Variants in NFIA observed in about 807,000 individuals in gnomAD.
NFIA encodes the protein nuclear factor I A, also known as nuclear factor 1 A-type.
A neutral mutation model predicts 62.8 loss-of-function variants in NFIA; 8 were observed. The ratio of observed to expected loss-of-function variants is 0.13; its 90% confidence interval spans 0.07 to 0.23. The LOEUF is 0.23. Among genes scored for constraint, NFIA ranks in the 10% least tolerant of loss-of-function variants. The pLI, the probability that NFIA is intolerant of heterozygous loss-of-function variation, is 1.00. For synonymous variants in NFIA, 235 were observed against 238.1 expected, an observed-to-expected ratio of 0.99 and a Z score of 0.12; for missense variants, 410 against 642.1, an observed-to-expected ratio of 0.64 and a Z score of 3.91.
intron 2 of NFIA, among the ~76,000 whole-genome samples, chr1:61,096,284 G>A (rs1646410673): frequency 2.6e-5 from 4 of 151,960 alleles, no homozygotes; most frequent in Admixed American, 6.6e-5. Flanking sequence ...CATGATCTCG[G>A]CTCACCGCAA....
intron 2 of NFIA, chr1:61,249,091 A>G (rs1316617683): frequency 1.3e-5 from 2 of 152,248 alleles, no homozygotes; most frequent in Non-Finnish European, 2.9e-5. Flanking sequence ...GAAGGCATCC[A>G]ACTTTTATGA....
intron 2 of NFIA, among the ~76,000 whole-genome samples, chr1:61,148,379 C>T (rs1489920044): frequency 6.6e-6 from 1 of 152,182 alleles, no homozygotes; most frequent in Non-Finnish European, 1.5e-5. Context: ...ACTCTCACAC[C>T]ACCTTCCCTG....
At chr1:61,133,080 A>G (rs1196335306) in intron 2 of NFIA, 1 of 152,172 alleles carries the variant, frequency 6.6e-6, no homozygotes, top group Non-Finnish European at 1.5e-5. Context: ...ACGATCCTGT[A>G]AAAAAGCCCT....
intron 2 of NFIA, among the ~76,000 whole-genome samples, chr1:61,203,395 C>T (rs1021197530): frequency 6.6e-6 from 1 of 152,166 alleles, no homozygotes; most frequent in Admixed American, 6.5e-5. Context: ...CACGGGATGG[C>T]TCACCACCCT....
chr1:61,169,499 A>C (rs1214002114), intron 2 of NFIA, among the ~76,000 whole-genome samples: 10 of 152,116 alleles, frequency 6.6e-5, no homozygotes, highest in Admixed American at 5.9e-4. Flanking sequence ...GGACACCCCC[A>C]ACCAAATGTG....
chr1:61,151,400 A>ATTTTG (rs1648400168), intron 2 of NFIA, among the ~76,000 whole-genome samples: 1 of 147,284 alleles, frequency 6.8e-6, no homozygotes. Context: ...TTTTTTTCTT[A>ATTTTG]ATTTTATCAT....
chr1:61,309,083 C>CT (rs1363532561), intron 3 of NFIA, among the ~76,000 whole-genome samples: 7 of 152,144 alleles, frequency 4.6e-5, no homozygotes, highest in African/African-American at 1.7e-4. Flanking sequence ...TGTGAATACT[C>CT]TATAGAGTTT....
At chr1:61,409,532 G>C (rs745612451) in intron 9 of NFIA, among the ~76,000 whole-genome samples, 1 of 151,994 alleles carries the variant, frequency 6.6e-6, no homozygotes, top group Admixed American at 6.6e-5. Flanking sequence ...TTAAAATATC[G>C]TCTCCCATGC....
intron 2 of NFIA, among the ~76,000 whole-genome samples, chr1:61,219,814 A>G (rs1653904937): frequency 6.6e-6 from 1 of 151,804 alleles, no homozygotes; most frequent in African/African-American, 2.4e-5. Context: ...GCATAGAAAA[A>G]TTAGTGGGGC....
At chr1:61,320,321 G>A (rs1334139210) in intron 3 of NFIA, among the ~76,000 whole-genome samples, 1 of 152,118 alleles carries the variant, frequency 6.6e-6, no homozygotes. Context: ...ATTGTGGCCT[G>A]CCATAGTATC....
chr1:61,150,680 A>G (rs921302779), intron 2 of NFIA, among the ~76,000 whole-genome samples: 1 of 152,204 alleles, frequency 6.6e-6, no homozygotes, highest in African/African-American at 2.4e-5. Context: ...AACAGCAACA[A>G]AATTCCCCCA....
chr1:61,446,147 C>A (rs530366658), intron 10 of NFIA, among the ~76,000 whole-genome samples: 2 of 152,274 alleles, frequency 1.3e-5, no homozygotes, highest in East Asian at 3.9e-4. Context: ...AGTTCAGGCC[C>A]CTCAGCAAGC....
chr1:61,250,958 T>G (rs1557662056), intron 2 of NFIA: 1 of 152,218 alleles, frequency 6.6e-6, no homozygotes, highest in Non-Finnish European at 1.5e-5. Context: ...TGTTTTGTTT[T>G]TCTATGTATG....
At chr1:61,102,141 T>C (rs1158372768) in intron 2 of NFIA, among the ~76,000 whole-genome samples, 1 of 152,210 alleles carries the variant, frequency 6.6e-6, no homozygotes, top group Non-Finnish European at 1.5e-5. Flanking sequence ...TGGCATGGGA[T>C]TGTCATAGAA....
intron 2 of NFIA, among the ~76,000 whole-genome samples, chr1:61,139,495 A>AT (rs1407175749): frequency 6.6e-6 from 1 of 152,140 alleles, no homozygotes; most frequent in Non-Finnish European, 1.5e-5. Flanking sequence ...CTGGGCATCT[A>AT]TTTTGCGGAT....
rs896048909 is a variant in NFIA at position 61,277,509 on chromosome 1, A to G, written c.560-11A>G. 4.3e-6 allele frequency: 7 copies of G among 1,613,162 alleles called. No homozygotes were observed. The highest frequency in any genetic ancestry group is 1.3e-5 in the African/African-American group (1 of 74,748). On this transcript the variant is annotated splice_polypyrimidine_tract_variant and intron_variant, in intron 2 of 10. Transcript: ENST00000403491. ...CCCTGTAATTTTTGGCTGTATTTTTATGTTTTTCAGATTCAAGTCAATCTG... is the reference window on the plus strand; with the variant it reads ...CCCTGTAATTTTTGGCTGTATTTTTGTGTTTTTCAGATTCAAGTCAATCTG...
In NFIA at chr1:61,455,530, A is replaced by T; in HGVS notation, c.*210A>T. The T allele has an allele frequency of 1.2e-5, 8 of 671,560 alleles. No individual in the cohort carries two copies. The highest frequency in any genetic ancestry group is 1.8e-5 in the African/African-American group (1 of 54,586). 41.6% of individuals were successfully genotyped at this position (671,560 alleles called of 1,614,324 possible). On this transcript the variant is annotated 3_prime_UTR_variant, in exon 11 of 11. Transcript: ENST00000403491. ...CTTTTGGGATTTTTTTTTTTTTAAA[A>T]TACTTTAGGGACTGTTGTAATTTCT...
intron 3 of NFIA, among the ~76,000 whole-genome samples, chr1:61,323,569 C>T (rs1425289880): frequency 6.6e-6 from 1 of 152,106 alleles, no homozygotes; most frequent in Non-Finnish European, 1.5e-5. Flanking sequence ...TCAAATGTCA[C>T]CAATGAGTGG....
chr1:61,184,539 T>C (rs1172722663), intron 2 of NFIA, among the ~76,000 whole-genome samples: 1 of 152,266 alleles, frequency 6.6e-6, no homozygotes, highest in African/African-American at 2.4e-5. Flanking sequence ...GGATTTCCCT[T>C]CTTGGCCAGA....
Sources: gnomAD v4.1 joint callset for allele counts (sites outside exome capture counted in the v4.1 genomes callset) on GRCh38, gnomAD v4.1.1 for gene constraint, MANE v1.5 for transcripts, NCBI Gene and HGNC (gene_info 2026-07-23, HGNC 2026-07-21) for gene names.